The following PIEZO2 variants were observed in gnomAD, a reference collection of about 807,000 sequenced individuals.
PIEZO2 encodes the protein piezo-type mechanosensitive ion channel component 2.
Under a neutral mutation model 337.3 loss-of-function variants are expected in PIEZO2, and 172 were observed. The ratio of observed to expected loss-of-function variants is 0.51; its 90% CI spans 0.45 to 0.58. The LOEUF is 0.58. PIEZO2 is among the 20% of genes least tolerant of loss of function. The probability of loss-of-function intolerance (pLI) is 0.00; values close to 1 mark genes in which losing one functional copy is unlikely to be tolerated. For synonymous variants in PIEZO2, 1,251 were observed against 1,228.5 expected (o/e 1.02, Z -0.38); for missense variants, 3,028 against 3,391.3 (o/e 0.89, Z 2.66).
intron 2 of PIEZO2, among the ~76,000 whole-genome samples, chr18:10,987,014 C>T (rs1255137317): frequency 6.6e-6 from 1 of 151,918 alleles, no homozygotes; most frequent in Non-Finnish European, 1.5e-5. Flanking sequence ...GGTGAAAGAT[C>T]TGTACATTGA....
rs377157441 is a variant in PIEZO2 at position 11,129,363 on chromosome 18, AG to A, written c.64+19161del. Among the ~76,000 whole-genome samples, 1,256 of 152,344 alleles carry A rather than the reference AG, an allele frequency of 8.2e-3. 15 individuals are homozygous for A. The highest frequency in any genetic ancestry group is 0.04 in the South Asian group (194 of 4,824). ...AGGCGTAGCTACCATAATGGACAGC[AG>A]AGGCAAAGCGGCAATCAGAATAGTC... On this transcript the variant is annotated intron_variant, in intron 1 of 55. Transcript: ENST00000674853. The surrounding 1 kb of genome is among the most constrained non-coding windows in gnomAD (Gnocchi z 4.6).
intron 2 of PIEZO2, among the ~76,000 whole-genome samples, chr18:10,985,069 A>C (rs575269147): frequency 6.6e-6 from 1 of 152,140 alleles, no homozygotes; most frequent in East Asian, 1.9e-4. Flanking sequence ...GAACTGCCCT[A>C]TAAGAAACGC....
chr18:10,814,610 C>T (rs1001544837), intron 7 of PIEZO2, among the ~76,000 whole-genome samples: 3 of 152,144 alleles, frequency 2.0e-5, no homozygotes, highest in Admixed American at 1.3e-4. Context: ...TGTTGAAGCT[C>T]GGCTGAGCTC....
chr18:10,851,007 A>G (rs971232565), intron 7 of PIEZO2, among the ~76,000 whole-genome samples: 24 of 152,186 alleles, frequency 1.6e-4, no homozygotes, highest in Admixed American at 6.5e-5. Flanking sequence ...TTTTAAGGGC[A>G]GCTTTATCTA....
chr18:11,147,908 G>C (rs1371956964), intron 1 of PIEZO2, among the ~76,000 whole-genome samples: 1 of 152,262 alleles, frequency 6.6e-6, no homozygotes, highest in East Asian at 1.9e-4. Context: ...TGGGAGGCGG[G>C]ACTAGGTGTT....
At chr18:11,122,058 A>C (rs1449028726) in intron 1 of PIEZO2, among the ~76,000 whole-genome samples, 1 of 151,950 alleles carries the variant, frequency 6.6e-6, no homozygotes, top group Non-Finnish European at 1.5e-5. Context: ...GGTTCATGCC[A>C]TTCTCCTGCC....
chr18:10,780,442 A>G (rs2038939929), intron 17 of PIEZO2, 76 bp from the exon 18 acceptor site: 2 of 696,198 alleles, frequency 2.9e-6, no homozygotes, highest in African/African-American at 1.8e-5. Flanking sequence ...ACTGTTAGAC[A>G]GAGACGAACA....
At chr18:11,058,427 A>T (rs1464379107) in intron 2 of PIEZO2, among the ~76,000 whole-genome samples, 1 of 152,246 alleles carries the variant, frequency 6.6e-6, no homozygotes, top group East Asian at 1.9e-4. Context: ...TGGACGGAGA[A>T]TGATTTTGAC....
rs1258273837 is a variant in PIEZO2 at position 10,672,305 on chromosome 18, C to T, written c.8345+385G>A. On this transcript the variant is annotated intron_variant, in intron 55 of 55. Coordinates refer to ENST00000674853, the MANE Select transcript of PIEZO2 (RefSeq NM_001378183.1). The surrounding 1 kb of genome is among the most constrained non-coding windows in gnomAD (Gnocchi z 4.7). ...GTGTCCTAGGATTTAAGCATCAGAA[C>T]ATGATGCGATGTTTCAGAAGTTCAA... Among the ~76,000 whole-genome samples, 1 of 152,106 alleles carries T rather than the reference C, an allele frequency of 6.6e-6. No homozygotes were observed. The highest frequency in any genetic ancestry group is 1.5e-5 in the Non-Finnish European group (1 of 68,024).
At chr18:11,014,590 G>T (rs1362895781) in intron 2 of PIEZO2, among the ~76,000 whole-genome samples, 2 of 137,410 alleles carry the variant, frequency 1.5e-5, no homozygotes, top group Non-Finnish European at 1.5e-5. Context: ...GTGGGAGAGC[G>T]ATCCAGGGCC....
chr18:10,791,008 T>G (rs2039393863), intron 14 of PIEZO2, among the ~76,000 whole-genome samples, 193 bp downstream of exon 14: 1 of 152,218 alleles, frequency 6.6e-6, no homozygotes, highest in Non-Finnish European at 1.5e-5. Context: ...CCGGCCCAAC[T>G]GGCACATTTT....
At chr18:10,776,777 C>T (rs940928172) in intron 18 of PIEZO2, among the ~76,000 whole-genome samples, 1 of 152,028 alleles carries the variant, frequency 6.6e-6, no homozygotes, top group Non-Finnish European at 1.5e-5. Flanking sequence ...ATGGACTCTC[C>T]GGGAAAGCCT....
At position 10,757,837 on chromosome 18, in the gene PIEZO2, A is replaced by C. The variant is rs964949667; in HGVS notation, c.3923+132T>G. 22 of 1,019,126 alleles carry C rather than the reference A, an allele frequency of 2.2e-5. No individual in the cohort carries two copies. In the Admixed American group the frequency reaches 5.7e-4, roughly 26 times the overall value. 63.1% of individuals were successfully genotyped at this position (1,019,126 alleles called of 1,614,324 possible). ...TCCAGGCTGCTGAACCACATTGTCC[A>C]GCATTTATTAACTTCAGTGTATACA... is the stretch of plus-strand genomic sequence containing the variant. On this transcript the variant is annotated intron_variant, in intron 27 of 55. Coordinates refer to ENST00000674853, the MANE Select transcript of PIEZO2 (RefSeq NM_001378183.1).
intron 47 of PIEZO2, among the ~76,000 whole-genome samples, chr18:10,695,534 G>A (rs539547065): frequency 1.2e-4 from 19 of 152,270 alleles, no homozygotes; most frequent in African/African-American, 4.3e-4. Flanking sequence ...CTTACCACAA[G>A]CTGAGACATT....
In PIEZO2 at chr18:11,002,028, A is replaced by T. The variant is rs987562712; in HGVS notation, c.161-22368T>A. ...CTTCTACCTGTAAGGGCCAGAGAGT[A>T]GATATTTTAGGCTTTGTGAGACACA... On this transcript the variant is annotated intron_variant, in intron 2 of 55. Coordinates refer to ENST00000674853, the MANE Select transcript of PIEZO2 (RefSeq NM_001378183.1). This position sits in a 1 kb window ranked among gnomAD's most constrained non-coding sequence, Gnocchi z 4.3. Among the ~76,000 whole-genome samples the T allele has an allele frequency of 6.6e-6, 1 of 152,214 alleles. No individual in the cohort carries two copies. Among genetic ancestry groups the T allele is most frequent in the African/African-American group, 2.4e-5 (1 of 41,452 alleles).
intron 1 of PIEZO2, among the ~76,000 whole-genome samples, chr18:11,113,238 G>C (rs1299200263): frequency 6.6e-6 from 1 of 152,214 alleles, no homozygotes; most frequent in Non-Finnish European, 1.5e-5. Flanking sequence ...GTGTGACTTA[G>C]ATGGGACTCA....
intron 4 of PIEZO2, among the ~76,000 whole-genome samples, chr18:10,907,351 G>A (rs2030035796): frequency 6.6e-6 from 1 of 151,938 alleles, no homozygotes; most frequent in Non-Finnish European, 1.5e-5. Flanking sequence ...GCTGAGGCAG[G>A]AGAATCGCCT....
rs1198142931 is a variant in PIEZO2, at chr18:10,705,621, T to C, written c.5714A>G (p.Tyr1905Cys). 8 of 1,537,034 alleles carry C rather than the reference T, an allele frequency of 5.2e-6. No individual in the cohort carries two copies. In the South Asian group the frequency reaches 9.5e-5, roughly 18 times the overall value. ...TAPEPREAKE[Y>C]EATGYDVGAM... ...TCCCACATCGTACCCAGTGGCCTCGTACTCCTTGGCCTCCCTGGGCTCAGG... is the reference window on the plus strand; with the variant it reads ...TCCCACATCGTACCCAGTGGCCTCGCACTCCTTGGCCTCCCTGGGCTCAGG... The change falls in exon 41 of 56, where the codon TAC (tyrosine) becomes TGC (cysteine). Residue 1905 changes from tyrosine (Y) to cysteine (C), a missense_variant. This residue lies in a region of PIEZO2 where 1,925 missense variants were observed against 2,051.9 expected (regional missense o/e 0.94). Transcript: ENST00000674853.
rs1233149989 is a variant in PIEZO2 at position 10,677,806 on chromosome 18, A to C, written c.8022T>G (p.Thr2674=). The C allele has an allele frequency of 1.2e-6, 2 of 1,611,110 alleles. No individual in the cohort carries two copies. Among genetic ancestry groups the C allele is most frequent in the South Asian group, 2.2e-5 (2 of 89,708 alleles). ...CTATCATTTTAGCGATATTCTTTCGAGTAATATTTTTAAGAGGAAAAGAAA... is the reference window on the plus strand; with the variant it reads ...CTATCATTTTAGCGATATTCTTTCGCGTAATATTTTTAAGAGGAAAAGAAA... ...DKLSFPLKNI[T]RKNIAKMIAG... Residue 2674 remains threonine (T), a synonymous_variant, in exon 53 of 56, where the codon ACT becomes ACG. Coordinates refer to ENST00000674853, the MANE Select transcript of PIEZO2 (RefSeq NM_001378183.1). The surrounding 1 kb of genome is among the most constrained non-coding windows in gnomAD (Gnocchi z 4.1).
Sources: allele counts gnomAD v4.1 joint callset (sites outside exome capture counted in the v4.1 genomes callset), GRCh38; gene constraint gnomAD v4.1.1; regional missense constraint gnomAD v4.1.1; non-coding constraint Gnocchi (gnomAD v3.1); transcripts MANE v1.5; gene names NCBI Gene and HGNC (gene_info 2026-07-23, HGNC 2026-07-21).